The following CAPN13 variants were observed in gnomAD, a reference collection of about 807,000 sequenced individuals.
CAPN13 encodes calpain 13.
In CAPN13, 90 loss-of-function variants were observed where a neutral mutation model predicts 98.4. The observed-to-expected ratio is 0.92, with a 90% CI of 0.77 to 1.09. The LOEUF (loss-of-function observed/expected upper bound fraction) is 1.09, where lower values mean the gene tolerates loss of function less well. Ranked by LOEUF, CAPN13 falls within the 50% of genes least tolerant of loss-of-function variation. The probability of loss-of-function intolerance (pLI) is 0.00; values close to 1 mark genes in which losing one functional copy is unlikely to be tolerated. For synonymous variants in CAPN13, 330 were observed against 305.5 expected (o/e 1.08, Z -0.84); for missense variants, 887 against 841.3 (o/e 1.05, Z -0.67).
At chr2:30,798,836 A>G (rs1675023614) in intron 1 of CAPN13, among the ~76,000 whole-genome samples, 1 of 152,166 alleles carries the variant, frequency 6.6e-6, no homozygotes, top group African/African-American at 2.4e-5. Flanking sequence ...ACTCAAATTA[A>G]AACTAACAGA....
rs1200808356 is a variant in CAPN13, at chr2:30,736,774, T to C, written c.1654-203A>G. 3 of 588,054 alleles carry C rather than the reference T, an allele frequency of 5.1e-6. No homozygotes were observed. In the African/African-American group the frequency reaches 5.6e-5, roughly 11 times the overall value. The allele number at this position is 588,054 out of a possible 1,614,324, so 36.4% of individuals were successfully genotyped here. A position where few individuals can be genotyped will look rare whatever the true frequency, so the allele number is the denominator to read the frequency against. On this transcript the variant is annotated intron_variant, in intron 17 of 22. Coordinates refer to ENST00000295055, the MANE Select transcript of CAPN13 (RefSeq NM_144575.3). ...TTGTTTTACAAAGAAAAATGGGCAA[T>C]TGGAAGAAGGAAGCCCTGAGGAAAG...
intron 1 of CAPN13, among the ~76,000 whole-genome samples, chr2:30,800,146 A>AAGAAAGAAAGAAAGAAAGAAAGAT (rs1675161848): frequency 6.7e-6 from 1 of 148,534 alleles, no homozygotes; most frequent in African/African-American, 2.5e-5. Context: ...GAAAGAAAGA[A>AAGAAAGAAAGAAAGAAAGAAAGAT]AGAAAGAAAG....
intron 11 of CAPN13, among the ~76,000 whole-genome samples, chr2:30,750,107 A>G (rs1327131169): frequency 6.6e-6 from 1 of 152,214 alleles, no homozygotes; most frequent in Non-Finnish European, 1.5e-5. Flanking sequence ...TGTGGTACAT[A>G]TATACTGTGA....
intron 16 of CAPN13, 24 bp from the exon 17 acceptor site, chr2:30,738,317 A>G (rs747360211): frequency 6.2e-7 from 1 of 1,613,888 alleles, no homozygotes; most frequent in Non-Finnish European, 8.5e-7. Flanking sequence ...GACAGGAAGG[A>G]CTGAAGTGTT....
chr2:30,779,017 C>T (rs927224566), intron 2 of CAPN13, among the ~76,000 whole-genome samples: 1 of 152,220 alleles, frequency 6.6e-6, no homozygotes, highest in African/African-American at 2.4e-5. Flanking sequence ...TACTTGTCTC[C>T]TCTCTCTACT....
chr2:30,775,432 TA>T (rs1053532652), intron 4 of CAPN13, among the ~76,000 whole-genome samples: 5 of 152,162 alleles, frequency 3.3e-5, no homozygotes, highest in African/African-American at 9.7e-5. Flanking sequence ...AATTAATACA[TA>T]AATGCTGCTG....
intron 4 of CAPN13, 84 bp downstream of exon 4, chr2:30,775,846 G>T: frequency 2.3e-6 from 2 of 882,472 alleles, no homozygotes; most frequent in Non-Finnish European, 3.2e-6. Flanking sequence ...AGGCTTCCCG[G>T]CCACGAGAAA....
chr2:30,742,297 T>C (rs757729025), intron 14 of CAPN13, 29 bp downstream of exon 14: 2 of 1,593,974 alleles, frequency 1.3e-6, no homozygotes, highest in Admixed American at 3.5e-5. Flanking sequence ...CCAATGAGGC[T>C]CGCCAGCCAA....
In CAPN13 at chr2:30,783,793, T is replaced by A. The variant is rs187029241; in HGVS notation, c.198+3335A>T. Among the ~76,000 whole-genome samples the A allele has an allele frequency of 4.1e-3, 628 of 152,342 alleles. 7 individuals carry two copies. The highest frequency in any genetic ancestry group is 5.1e-3 in the Non-Finnish European group (348 of 68,032). ...CACCTTGGTGCTACCTCAGCCATTA[T>A]ATAGTTGAAGTTTAAGGGCCACTGG... On this transcript the variant is annotated intron_variant, in intron 2 of 22. Transcript: ENST00000295055.
chr2:30,751,229 T>C lies in CAPN13; in HGVS notation c.1110A>G (p.Gln370=). The C allele has an allele frequency of 2.5e-6, 4 of 1,613,950 alleles. No individual in the cohort carries two copies. The highest frequency in any genetic ancestry group is 3.4e-6 in the Non-Finnish European group (4 of 1,179,852). The change falls in exon 11 of 23, where the codon CAA becomes CAG. Residue 370 remains glutamine (Q), a synonymous_variant. Transcript: ENST00000295055. ...TTGGCTCTTGCACAGAGAAGTTGAA[T>C]TGAGCATCATTCCGAGGTCCTCCTG... ...NTAGGPRNDA[Q]FNFSVQEPME... is the part of the protein sequence containing the mutation.
intron 4 of CAPN13, among the ~76,000 whole-genome samples, chr2:30,772,853 C>T (rs7340281): frequency 0.56 from 84,219 of 151,092 alleles, 24,367 homozygotes; most frequent in African/African-American, 0.68. Flanking sequence ...GGAGTCTCGC[C>T]CTGTTGCCAG....
chr2:30,765,298 G>C (rs1470754587), intron 5 of CAPN13, among the ~76,000 whole-genome samples: 5 of 152,202 alleles, frequency 3.3e-5, no homozygotes, highest in Non-Finnish European at 7.3e-5. Flanking sequence ...ATGGAACTGA[G>C]GTCAGATCAG....
chr2:30,786,023 G>A (rs908628826), intron 2 of CAPN13, among the ~76,000 whole-genome samples: 2 of 133,006 alleles, frequency 1.5e-5, no homozygotes, highest in Non-Finnish European at 3.1e-5. Flanking sequence ...CTGCCCCAAC[G>A]TAGGGCAAGA....
At chr2:30,788,079 T>C (rs1438951021) in intron 1 of CAPN13, among the ~76,000 whole-genome samples, 2 of 151,796 alleles carry the variant, frequency 1.3e-5, no homozygotes, top group African/African-American at 2.4e-5. Flanking sequence ...GAGAATTGAA[T>C]ATGGGGGATA....
rs1160198319 is a variant in CAPN13 at position 30,745,720 on chromosome 2, T to C, written c.1248+3A>G. The C allele has an allele frequency of 6.3e-7, 1 of 1,596,664 alleles. No homozygotes were observed. The highest frequency in any genetic ancestry group is 8.5e-7 in the Non-Finnish European group (1 of 1,178,994). ...GCAGGGCAAGGACGACGCTGAGCCA[T>C]ACCTGTGAGCCAGCCTGTTGGAAAC... is the stretch of plus-strand genomic sequence containing the variant. On this transcript the variant is annotated splice_donor_region_variant and intron_variant, in intron 12 of 22. Transcript: ENST00000295055.
At chr2:30,737,412 C>G (rs910384366) in intron 17 of CAPN13, 2 of 152,562 alleles carry the variant, frequency 1.3e-5, no homozygotes, top group Non-Finnish European at 2.9e-5. Flanking sequence ...ATCTGGGGGT[C>G]TACACTCATG....
chr2:30,785,333 A>T (rs1674215058), intron 2 of CAPN13, among the ~76,000 whole-genome samples: 3 of 152,362 alleles, frequency 2.0e-5, no homozygotes, highest in Non-Finnish European at 1.5e-5. Flanking sequence ...CAAAGCAGAT[A>T]AAGTATGAGA....
At chr2:30,770,514 A>C (rs1220504574) in intron 4 of CAPN13, 65 bp from the exon 5 acceptor site, 3 of 1,572,892 alleles carry the variant, frequency 1.9e-6, no homozygotes, top group South Asian at 1.2e-5. Context: ...GGGTCCCCCA[A>C]CCTAAGCCAA....
At chr2:30,732,351 C>G in intron 20 of CAPN13, 87 bp downstream of exon 20, 1 of 1,557,174 alleles carries the variant, frequency 6.4e-7, no homozygotes. Context: ...CTCACGCAGA[C>G]CTGGGGTGGG....
Sources: allele counts gnomAD v4.1 joint callset (sites outside exome capture counted in the v4.1 genomes callset), GRCh38; gene constraint gnomAD v4.1.1; transcripts MANE v1.5; gene names NCBI Gene and HGNC (gene_info 2026-07-23, HGNC 2026-07-21).